The following TAF1B variants were observed in gnomAD, a reference collection of about 807,000 sequenced individuals.
TAF1B encodes the protein TATA-box binding protein associated factor, RNA polymerase I subunit B.
In TAF1B, 61 loss-of-function variants were observed where a neutral mutation model predicts 83.9. The ratio of observed to expected loss-of-function variants is 0.73; its 90% CI spans 0.59 to 0.90. The LOEUF is 0.90. Ranked by LOEUF, TAF1B falls within the 40% of genes least tolerant of loss-of-function variation. The probability of loss-of-function intolerance (pLI) is 0.00; values close to 1 mark genes in which losing one functional copy is unlikely to be tolerated. For missense variants in TAF1B, 625 were observed against 677.0 expected, an observed-to-expected ratio of 0.92 and a Z score of 0.85; for synonymous variants, 221 against 224.6, an observed-to-expected ratio of 0.98 and a Z score of 0.14.
chr2:9,930,617 G>T (rs1666183496), intron 14 of TAF1B, among the ~76,000 whole-genome samples: 1 of 152,184 alleles, frequency 6.6e-6, no homozygotes, highest in Non-Finnish European at 1.5e-5. Context: ...AGTGTGATGT[G>T]GTGCTGAGAA....
chr2:9,873,442 T>G (rs1373005403), intron 6 of TAF1B, among the ~76,000 whole-genome samples: 3 of 152,124 alleles, frequency 2.0e-5, no homozygotes, highest in Non-Finnish European at 1.5e-5. Context: ...CCTAATACCA[T>G]AGCTTTAACC....
chr2:9,916,726 G>T (rs1665689799), intron 12 of TAF1B, among the ~76,000 whole-genome samples: 2 of 151,792 alleles, frequency 1.3e-5, no homozygotes, highest in South Asian at 2.1e-4. Context: ...TTTTAAATGT[G>T]GTATGGTTCA....
At chr2:9,888,809 T>TTTG (rs1664770255) in intron 8 of TAF1B, among the ~76,000 whole-genome samples, 2 of 144,972 alleles carry the variant, frequency 1.4e-5, no homozygotes, top group Admixed American at 6.8e-5. Flanking sequence ...TTTTTTTTTT[T>TTTG]TTTTTTTTTT....
intron 11 of TAF1B, among the ~76,000 whole-genome samples, chr2:9,912,197 T>C (rs1459891170): frequency 6.6e-6 from 1 of 152,170 alleles, no homozygotes; most frequent in Non-Finnish European, 1.5e-5. Flanking sequence ...ATAAGTACTT[T>C]ATAAGTGATA....
intron 9 of TAF1B, among the ~76,000 whole-genome samples, chr2:9,909,282 A>G (rs965859823): frequency 1.3e-5 from 2 of 152,236 alleles, no homozygotes; most frequent in African/African-American, 4.8e-5. Flanking sequence ...TTAACTGTGC[A>G]ATAGAAGGGT....
At chr2:9,871,716 T>A (rs1209146399) in intron 6 of TAF1B, among the ~76,000 whole-genome samples, 1 of 152,176 alleles carries the variant, frequency 6.6e-6, no homozygotes, top group African/African-American at 2.4e-5. Flanking sequence ...ACCCCAGCAT[T>A]ATCATCTTTA....
intron 14 of TAF1B, among the ~76,000 whole-genome samples, chr2:9,929,142 T>TTTGTTGTTGTTGTTGTTGTTGTTGTTG (rs70948857): frequency 6.6e-6 from 1 of 150,914 alleles, no homozygotes; most frequent in Admixed American, 6.6e-5. Context: ...ATTGGTTCTG[T>TTTGTTGTTGTTGTTGTTGTTGTTGTTG]TTGTTGTTGT....
rs901396356 is a variant in TAF1B at position 9,889,633 on chromosome 2, AT to A, written c.807+6837del. Among the ~76,000 whole-genome samples, 26 of 151,304 alleles carry A rather than the reference AT, an allele frequency of 1.7e-4. No individual in the cohort carries two copies. In the East Asian group the frequency reaches 3.5e-3, roughly 20 times the overall value. ...TTCCTGCCTCTTTGCATGACTGGTA[AT>A]TTTTTTTTATTAGATGCAATCATTG... On this transcript the variant is annotated intron_variant, in intron 8 of 14. Coordinates refer to ENST00000263663, the MANE Select transcript of TAF1B (RefSeq NM_005680.3).
rs1247507204 is a variant in TAF1B at position 9,918,949 on chromosome 2, G to A, written c.1272-92G>A. The A allele has an allele frequency of 1.2e-5, 13 of 1,116,524 alleles. No homozygotes were observed. In the East Asian group the frequency reaches 1.4e-4, roughly 12 times the overall value. The allele number at this position is 1,116,524 out of a possible 1,614,324, so 69.2% of individuals were successfully genotyped here. On this transcript the variant is annotated intron_variant, in intron 12 of 14. Transcript: ENST00000263663. The stretch of plus-strand genomic sequence containing the variant: ...GGCCATTCCAAGCCAGAGCTATAAC[G>A]AAATATCAGAAATCTCAGATAGTGC...
At chr2:9,933,071 A>G (rs934215023) in intron 14 of TAF1B, among the ~76,000 whole-genome samples, 1 of 152,218 alleles carries the variant, frequency 6.6e-6, no homozygotes, top group Non-Finnish European at 1.5e-5. Flanking sequence ...TTCCAGGTAC[A>G]GTCTGTCATG....
intron 8 of TAF1B, among the ~76,000 whole-genome samples, chr2:9,901,331 A>G (rs898894163): frequency 2.0e-5 from 3 of 151,876 alleles, no homozygotes; most frequent in African/African-American, 4.8e-5. Flanking sequence ...AATCTAATCT[A>G]TAGGATAGAT....
At chr2:9,845,443 A>G (rs1558610418) in intron 2 of TAF1B, 125 bp downstream of exon 2, 6 of 685,704 alleles carry the variant, frequency 8.8e-6, no homozygotes, top group South Asian at 1.7e-5. Flanking sequence ...CAACATTCCA[A>G]GGATGCATGT....
intron 5 of TAF1B, among the ~76,000 whole-genome samples, chr2:9,861,293 A>C (rs1426716948): frequency 6.6e-6 from 1 of 152,258 alleles, no homozygotes; most frequent in Non-Finnish European, 1.5e-5. Flanking sequence ...GCACACCAGG[A>C]GATTATATCC....
At chr2:9,852,944 A>G (rs932216385) in intron 4 of TAF1B, among the ~76,000 whole-genome samples, 1 of 152,240 alleles carries the variant, frequency 6.6e-6, no homozygotes, top group African/African-American at 2.4e-5. Context: ...GCATGGCCTA[A>G]ATGGATGCTG....
At chr2:9,930,619 T>A (rs1172313533) in intron 14 of TAF1B, among the ~76,000 whole-genome samples, 1 of 152,220 alleles carries the variant, frequency 6.6e-6, no homozygotes, top group Non-Finnish European at 1.5e-5. Context: ...TGTGATGTGG[T>A]GCTGAGAAGA....
intron 8 of TAF1B, among the ~76,000 whole-genome samples, chr2:9,898,291 A>G (rs1192134029): frequency 1.3e-5 from 2 of 152,174 alleles, no homozygotes; most frequent in African/African-American, 4.8e-5. Flanking sequence ...GTGGGCTCTA[A>G]GAAGATGTTT....
At chr2:9,886,494 A>T (rs1375617526) in intron 8 of TAF1B, among the ~76,000 whole-genome samples, 1 of 152,196 alleles carries the variant, frequency 6.6e-6, no homozygotes, top group African/African-American at 2.4e-5. Context: ...CTGAGTTTAT[A>T]TGCTTGGAAA....
At chr2:9,922,371 C>T (rs938361439) in intron 14 of TAF1B, among the ~76,000 whole-genome samples, 23 of 152,142 alleles carry the variant, frequency 1.5e-4, no homozygotes, top group African/African-American at 5.3e-4. Flanking sequence ...AGAGTGACCT[C>T]CCAGCTGCTC....
At chr2:9,921,275 G>A (rs545661503) in intron 14 of TAF1B, among the ~76,000 whole-genome samples, 4 of 152,016 alleles carry the variant, frequency 2.6e-5, no homozygotes, top group African/African-American at 9.7e-5. Flanking sequence ...ATTTTTTGCA[G>A]AGACGAGGGT....
Sources: allele counts gnomAD v4.1 joint callset (sites outside exome capture counted in the v4.1 genomes callset), GRCh38; gene constraint gnomAD v4.1.1; transcripts MANE v1.5; gene names NCBI Gene and HGNC (gene_info 2026-07-23, HGNC 2026-07-21).